The following SPAG9 variants were observed in gnomAD, a reference collection of about 807,000 sequenced individuals.
SPAG9 encodes sperm associated antigen 9.
Under a neutral mutation model 166.5 loss-of-function variants are expected in SPAG9, and 35 were observed. That is an observed-to-expected ratio of 0.21 (90% confidence interval 0.16 to 0.28). The LOEUF is 0.28. SPAG9 is among the 10% of genes least tolerant of loss of function. The pLI is 1.00. For missense variants in SPAG9, 1,235 were observed against 1,603.3 expected, an observed-to-expected ratio of 0.77 and a Z score of 3.92; for synonymous variants, 534 against 565.5, an observed-to-expected ratio of 0.94 and a Z score of 0.79.
chr17:51,021,771 C>T (rs1047115607), intron 6 of SPAG9, among the ~76,000 whole-genome samples: 11 of 152,234 alleles, frequency 7.2e-5, no homozygotes, highest in Non-Finnish European at 1.2e-4. Context: ...AAATTCTTAA[C>T]CTCGGGTATC....
chr17:51,019,262 G>C (rs1486625275), intron 8 of SPAG9, among the ~76,000 whole-genome samples: 1 of 152,122 alleles, frequency 6.6e-6, no homozygotes, highest in Admixed American at 6.6e-5. Context: ...ATTAATTTCT[G>C]TTCTTTATAA....
chr17:51,065,485 G>A (rs543925558), intron 2 of SPAG9, among the ~76,000 whole-genome samples: 1 of 152,258 alleles, frequency 6.6e-6, no homozygotes, highest in East Asian at 1.9e-4. Flanking sequence ...ATAAGAGAAG[G>A]ACATTTCATT....
rs1311843415 is a variant in SPAG9, at chr17:51,005,208, C to T, written c.1476+4G>A. 1.2e-6 allele frequency: 2 copies of T among 1,613,528 alleles called. No homozygotes were observed. The highest frequency in any genetic ancestry group is 1.7e-5 in the Admixed American group (1 of 59,982). On this transcript the variant is annotated splice_donor_region_variant and intron_variant, in intron 12 of 29. Coordinates refer to ENST00000262013, the MANE Select transcript of SPAG9 (RefSeq NM_001130528.3). ...AGAAAAAAAGTCCAAAATTGTAAAC[C>T]TACATCATCGTCATCTTTTGCTTTT...
Position 51,079,670 on chromosome 17 carries a change from TC to T in SPAG9, c.337del (p.Glu113LysfsTer12). 1 of 1,595,442 alleles carries T rather than the reference TC, an allele frequency of 6.3e-7. No homozygotes were observed. The highest frequency in any genetic ancestry group is 8.6e-7 in the Non-Finnish European group (1 of 1,163,130). On this transcript the variant is annotated frameshift_variant, in exon 2 of 30. Transcript: ENST00000262013. LOFTEE classifies it high-confidence loss of function. ...CACTCGGGTCTGTAAGTCCTTTTTT[TC>T]CTGTTCTTGAGAGTCTTCAAATTCA... ...FIEFEDSQEQEKKDLQTRVES... is the reference protein window; with the variant it reads ...FIEFEDSQEQXKKDLQTRVES...
intron 1 of SPAG9, among the ~76,000 whole-genome samples, chr17:51,116,592 C>T (rs1315238986): frequency 1.3e-5 from 2 of 151,980 alleles, no homozygotes; most frequent in Non-Finnish European, 2.9e-5. Context: ...CACAGTGAGA[C>T]CTTGTCTCTG....
intron 1 of SPAG9, among the ~76,000 whole-genome samples, chr17:51,119,898 C>G (rs1297385999): frequency 6.6e-6 from 1 of 152,172 alleles, no homozygotes. Flanking sequence ...CTCTAACTTC[C>G]CAAAGCAAGG....
intron 13 of SPAG9, 24 bp downstream of exon 13, chr17:51,001,691 T>C: frequency 6.3e-7 from 1 of 1,596,068 alleles, no homozygotes; most frequent in Non-Finnish European, 8.5e-7. Flanking sequence ...AGTAGGAAAA[T>C]AATGGAGCGC....
chr17:51,074,660 T>G (rs2047916912), intron 2 of SPAG9, among the ~76,000 whole-genome samples: 1 of 152,200 alleles, frequency 6.6e-6, no homozygotes. Flanking sequence ...TGATGAAGAA[T>G]TTCTTCCTCC....
intron 3 of SPAG9, among the ~76,000 whole-genome samples, chr17:51,052,719 T>A (rs2047215030): frequency 6.6e-6 from 1 of 152,096 alleles, no homozygotes; most frequent in African/African-American, 2.4e-5. Context: ...TTATTAAATA[T>A]ATGGAAAAAA....
At chr17:50,999,586 ATTCTTGGAAATAAATTTTGAC>A (rs2044839187) in intron 14 of SPAG9, 54 bp downstream of exon 14, 1 of 1,493,020 alleles carries the variant, frequency 6.7e-7, no homozygotes, top group African/African-American at 1.4e-5. Flanking sequence ...ACATAAAATC[ATTCTTGGAAATAAATTTTGAC>A]TGTAATTTTC....
At chr17:51,039,307 G>A (rs986320819) in intron 5 of SPAG9, among the ~76,000 whole-genome samples, 1 of 152,268 alleles carries the variant, frequency 6.6e-6, no homozygotes, top group Admixed American at 6.5e-5. Flanking sequence ...CAGGGCATGT[G>A]ACATACCTGT....
intron 1 of SPAG9, among the ~76,000 whole-genome samples, chr17:51,095,295 TTAAAAAAAAAAA>T (rs1171815257): frequency 1.3e-5 from 1 of 76,026 alleles, no homozygotes; most frequent in Non-Finnish European, 2.7e-5. Flanking sequence ...GACTCCATCT[TTAAAAAAAAAAA>T]AAAAAAAAAA....
intron 2 of SPAG9, among the ~76,000 whole-genome samples, chr17:51,074,483 T>C: frequency 6.6e-6 from 1 of 152,208 alleles, no homozygotes. Context: ...GAACGGTCAA[T>C]TTTGATTAAC....
At chr17:51,035,570 C>A (rs2046554396) in intron 5 of SPAG9, among the ~76,000 whole-genome samples, 1 of 152,164 alleles carries the variant, frequency 6.6e-6, no homozygotes, top group Non-Finnish European at 1.5e-5. Context: ...ATTCTCTCAA[C>A]AAGAATGCTG....
chr17:51,099,499 C>T (rs943133925), intron 1 of SPAG9, among the ~76,000 whole-genome samples: 2 of 149,706 alleles, frequency 1.3e-5, no homozygotes, highest in Non-Finnish European at 3.0e-5. Context: ...TAACTTGTGA[C>T]GTCATCTCAG....
Position 50,990,470 on chromosome 17 carries a change from G to A in SPAG9, c.2597C>T (p.Pro866Leu). ...ATSPSTNGAS[P>L]VMDKPPEMEA... is the part of the protein sequence containing the mutation. ...TATACCTGGTGGTTTATCCATCACTGGAGAAGCACCATTTGTACTAGGGGA... is the reference window on the plus strand; with the variant it reads ...TATACCTGGTGGTTTATCCATCACTAGAGAAGCACCATTTGTACTAGGGGA... Residue 866 changes from proline to leucine, a missense_variant, in exon 20 of 30, where the codon CCA becomes CTA. Transcript: ENST00000262013. 6.2e-7 allele frequency: 1 copy of A among 1,613,980 alleles called. No homozygotes were observed. Among genetic ancestry groups the A allele is most frequent in the Non-Finnish European group, 8.5e-7 (1 of 1,179,850 alleles).
intron 12 of SPAG9, among the ~76,000 whole-genome samples, chr17:51,002,548 T>TGAG (rs2045003077): frequency 6.6e-6 from 1 of 152,072 alleles, no homozygotes; most frequent in African/African-American, 2.4e-5. Context: ...TTTGGGAGTC[T>TGAG]GAGGCGGGTA....
At position 51,062,088 on chromosome 17, in the gene SPAG9, G is replaced by A. The variant is rs73986889; in HGVS notation, c.425-5606C>T. ...CACATGCAAACTACCTGGAGTTACA[G>A]ATGACTTGTCCCTTTTAATTTTTAA... On this transcript the variant is annotated intron_variant, in intron 2 of 29. Coordinates refer to ENST00000262013, the MANE Select transcript of SPAG9 (RefSeq NM_001130528.3). Among the ~76,000 whole-genome samples the A allele has an allele frequency of 3.6e-3, 541 of 152,236 alleles. 3 individuals carry two copies. Among genetic ancestry groups the A allele is most frequent in the African/African-American group, 0.013 (522 of 41,534 alleles).
chr17:51,027,365 G>GA (rs1441238539), intron 6 of SPAG9, among the ~76,000 whole-genome samples: 1 of 151,700 alleles, frequency 6.6e-6, no homozygotes, highest in Non-Finnish European at 1.5e-5. Context: ...CCAGAAGGGG[G>GA]AAGAGGTTGC....
Sources: gnomAD v4.1 joint callset for allele counts (sites outside exome capture counted in the v4.1 genomes callset) on GRCh38, gnomAD v4.1.1 for gene constraint, MANE v1.5 for transcripts, NCBI Gene and HGNC (gene_info 2026-07-23, HGNC 2026-07-21) for gene names.